Variants in ARMCX4 observed in about 807,000 individuals in gnomAD.
The protein encoded by ARMCX4 is armadillo repeat-containing X-linked protein 4.
ARMCX4 carries 3 observed loss-of-function variants against 34.7 expected under a neutral mutation model. The observed-to-expected ratio is 0.09, with a 90% CI of 0.04 to 0.22. The LOEUF is 0.22. Ranked by LOEUF, ARMCX4 falls within the 10% of genes least tolerant of loss-of-function variation. ARMCX4 has a pLI of 1.00. For missense variants in ARMCX4, 1,448 were observed against 1,720.8 expected (o/e 0.84, Z 2.81); for synonymous variants, 513 against 632.8 (o/e 0.81, Z 2.84).
intron 4 of ARMCX4, among the ~76,000 whole-genome samples, chrX:101,461,881 G>T (rs1207519304): frequency 9.0e-6 from 1 of 111,542 alleles, no homozygotes; most frequent in East Asian, 2.8e-4. Flanking sequence ...ACTGTGTATT[G>T]CAGAAAAAAA....
intron 4 of ARMCX4, among the ~76,000 whole-genome samples, chrX:101,455,860 T>C (rs575152478): frequency 9.0e-6 from 1 of 111,118 alleles, no homozygotes; most frequent in Non-Finnish European, 1.9e-5. Context: ...TTCATCTTTA[T>C]GTCCATGTGC....
upstream of ARMCX4, among the ~76,000 whole-genome samples, chrX:101,482,890 C>CT (rs36075508): frequency 0.023 from 1,277 of 54,692 alleles, 111 homozygotes; most frequent in Non-Finnish European, 0.026. Context: ...TTGCGTCAGG[C>CT]TTTTTTTTTT....
intron 2 of ARMCX4, among the ~76,000 whole-genome samples, chrX:101,436,816 C>G (rs1373826754): frequency 9.0e-6 from 1 of 111,469 alleles, no homozygotes; most frequent in Non-Finnish European, 1.9e-5. Flanking sequence ...TGAGATACGT[C>G]CCATCAATAC....
At chrX:101,485,575 C>T (rs1670079738) in intron 1 of ARMCX4, 45 bp downstream of exon 1, 3 of 204,642 alleles carry the variant, frequency 1.5e-5, no homozygotes, top group Non-Finnish European at 2.2e-5. Context: ...CCGGCAGAAG[C>T]TCACTGACCC....
chrX:101,433,203 TGC>T (rs1569315421), intron 2 of ARMCX4, among the ~76,000 whole-genome samples: 1 of 30,582 alleles, frequency 3.3e-5, no homozygotes, highest in Admixed American at 3.2e-4. Context: ...CACATATATG[TGC>T]ATATACGCAC....
At chrX:101,521,253 T>A (rs1284195376) in intron 11 of ARMCX4, among the ~76,000 whole-genome samples, 1 of 111,681 alleles carries the variant, frequency 9.0e-6, no homozygotes, top group Non-Finnish European at 1.9e-5. Context: ...ACTAAATTGG[T>A]CAATTTTTAT....
At chrX:101,425,924 G>A (rs1443350238) in intron 2 of ARMCX4, among the ~76,000 whole-genome samples, 1 of 110,804 alleles carries the variant, frequency 9.0e-6, no homozygotes, top group Non-Finnish European at 1.9e-5. Context: ...GGGCTCAGGC[G>A]ATTCTCCCAC....
At chrX:101,466,622 A>G (rs964063291) in intron 4 of ARMCX4, among the ~76,000 whole-genome samples, 3 of 112,498 alleles carry the variant, frequency 2.7e-5, no homozygotes, top group East Asian at 2.8e-4. Flanking sequence ...TCTCAGACAT[A>G]AAAAGTCTTG....
chrX:101,495,305 G>A lies in ARMCX4; in HGVS notation c.6716G>A (p.Arg2239Lys), dbSNP rs1403489834. 1 of 1,144,709 alleles carries A rather than the reference G, an allele frequency of 8.7e-7. No homozygotes were observed. Among genetic ancestry groups the A allele is most frequent in the Non-Finnish European group, 1.2e-6 (1 of 863,613 alleles). 94.3% of individuals were successfully genotyped at this position (1,144,709 alleles called of 1,213,427 possible). The change falls in exon 6 of 6, where the codon AGA (arginine) becomes AAA (lysine). Residue 2239 changes from arginine (R) to lysine (K), a missense_variant. Physicochemically the swap from Arg to Lys is conservative, Grantham distance 26. Coordinates refer to ENST00000423738, the MANE Select transcript of ARMCX4 (RefSeq NM_001256155.3). ...FENINYHFKR[R>K]AKAFTQDKFS... ...AATATAAATTACCATTTTAAAAGAAGAGCAAAAGCATTTACCCAGGACAAA... is the reference window on the plus strand; with the variant it reads ...AATATAAATTACCATTTTAAAAGAAAAGCAAAAGCATTTACCCAGGACAAA...
At chrX:101,530,930 C>T (rs982032623) in intron 11 of ARMCX4, among the ~76,000 whole-genome samples, 21 of 111,954 alleles carry the variant, frequency 1.9e-4, no homozygotes, top group Non-Finnish European at 3.8e-4. Flanking sequence ...ATAGCTGTTA[C>T]ACTAGTTTCC....
In ARMCX4 at chrX:101,490,033, G is replaced by T. The variant is rs1464706687; in HGVS notation, c.1444G>T (p.Ala482Ser). 1.6e-5 allele frequency: 18 copies of T among 1,154,497 alleles called. No homozygotes were observed. The East Asian group carries it at 5.9e-4, about 38-fold the overall frequency. Reference sequence around the variant, plus strand: ...GCCTCAGCTTGTGGCCAGTGTTCAGGCTGATACCTTGTCTGATGGCAAAAT... The same window carrying T: ...GCCTCAGCTTGTGGCCAGTGTTCAGTCTGATACCTTGTCTGATGGCAAAAT... ...TQPQLVASVQ[A>S]DTLSDGKIKV... The change falls in exon 6 of 6, where the codon GCT (alanine) becomes TCT (serine). Residue 482 changes from alanine to serine, a missense_variant. This residue lies in a region of ARMCX4 where 1,343 missense variants were observed against 1,540.7 expected (regional missense o/e 0.87). Transcript: ENST00000423738.
chrX:101,442,357 G>A (rs1482624527), intron 2 of ARMCX4, among the ~76,000 whole-genome samples: 2 of 111,267 alleles, frequency 1.8e-5, no homozygotes, highest in African/African-American at 6.5e-5. Flanking sequence ...AGTCTTGTCA[G>A]TGCAAAACAG....
At chrX:101,518,345 G>A (rs368094609) in intron 11 of ARMCX4, among the ~76,000 whole-genome samples, 11 of 111,765 alleles carry the variant, frequency 9.8e-5, no homozygotes, top group East Asian at 2.8e-4. Flanking sequence ...ATTAAAGGTC[G>A]TATCTTACTT....
intron 8 of ARMCX4, among the ~76,000 whole-genome samples, chrX:101,507,169 G>A (rs901022082): frequency 1.8e-5 from 2 of 110,766 alleles, no homozygotes; most frequent in Non-Finnish European, 3.8e-5. Flanking sequence ...TTATGTCTAT[G>A]TAAGGATTTT....
rs185446846 is a variant in ARMCX4, at chrX:101,531,886, G to A, written c.*2023G>A. On this transcript the variant is annotated 3_prime_UTR_variant and NMD_transcript_variant, in exon 12 of 13. Transcript: ENST00000354842. ...CTCATGGAAATGAATATGTATTTTAGACACACATTTACCTTCTTTGCTGAC... is the reference window on the plus strand; with the variant it reads ...CTCATGGAAATGAATATGTATTTTAAACACACATTTACCTTCTTTGCTGAC... The A allele has an allele frequency of 4.5e-5, 5 of 111,937 alleles. No individual in the cohort carries two copies. In the East Asian group the frequency reaches 1.4e-3, roughly 32 times the overall value. 9.2% of individuals were successfully genotyped at this position (111,937 alleles called of 1,213,427 possible). A position where few individuals can be genotyped will look rare whatever the true frequency, so the allele number is the denominator to read the frequency against.
intron 4 of ARMCX4, among the ~76,000 whole-genome samples, chrX:101,475,467 G>C (rs910533627): frequency 2.7e-5 from 3 of 111,276 alleles, no homozygotes; most frequent in African/African-American, 9.8e-5. Context: ...CTGGCAGTGG[G>C]CGGCGGGGAG....
intron 11 of ARMCX4, among the ~76,000 whole-genome samples, chrX:101,530,156 A>T (rs1676651611): frequency 8.9e-6 from 1 of 112,258 alleles, no homozygotes; most frequent in South Asian, 3.7e-4. Context: ...ATGCAGCCAT[A>T]AAAAAGGATT....
At chrX:101,465,954 T>C (rs149302835) in intron 4 of ARMCX4, among the ~76,000 whole-genome samples, 4,625 of 110,608 alleles carry the variant, frequency 0.042, 79 homozygotes, top group Middle Eastern at 0.075. Context: ...TTTGGCAAAC[T>C]TTTTTTGGTA....
intron 2 of ARMCX4, among the ~76,000 whole-genome samples, chrX:101,432,677 T>C: frequency 9.3e-6 from 1 of 107,358 alleles, no homozygotes; most frequent in Non-Finnish European, 1.9e-5. Flanking sequence ...ACCCCATGTA[T>C]ATACATATAT....
Sources: allele counts gnomAD v4.1 joint callset (sites outside exome capture counted in the v4.1 genomes callset), GRCh38; gene constraint gnomAD v4.1.1; regional missense constraint gnomAD v4.1.1; transcripts MANE v1.5; gene names NCBI Gene and HGNC (gene_info 2026-07-23, HGNC 2026-07-21).